The following UBE3D variants were observed in gnomAD, a reference collection of about 807,000 sequenced individuals.
UBE3D encodes ubiquitin protein ligase E3D.
UBE3D carries 48 observed loss-of-function variants against 49.6 expected under a neutral mutation model. The observed-to-expected ratio is 0.97, with a 90% CI of 0.77 to 1.23. The LOEUF (loss-of-function observed/expected upper bound fraction) is 1.23. Among genes scored for constraint, UBE3D ranks in the 50% most tolerant of loss-of-function variants. The pLI, the probability that UBE3D is intolerant of heterozygous loss-of-function variation, is 0.00. For missense variants in UBE3D, 452 were observed against 468.4 expected, an observed-to-expected ratio of 0.96 and a Z score of 0.32; for synonymous variants, 189 against 174.2, an observed-to-expected ratio of 1.08 and a Z score of -0.67.
intron 9 of UBE3D, among the ~76,000 whole-genome samples, chr6:82,936,327 A>G (rs1774572683): frequency 6.6e-6 from 1 of 152,212 alleles, no homozygotes; most frequent in Non-Finnish European, 1.5e-5. Flanking sequence ...AAACATTAGC[A>G]TATTTTGGGG....
intron 9 of UBE3D, among the ~76,000 whole-genome samples, chr6:82,898,137 A>T (rs1771465462): frequency 6.6e-6 from 1 of 152,194 alleles, no homozygotes; most frequent in East Asian, 1.9e-4. Flanking sequence ...AGATACCATC[A>T]AATGCCAGTT....
intron 9 of UBE3D, among the ~76,000 whole-genome samples, chr6:82,920,832 A>AAAACAAAC (rs10623474): frequency 2.6e-5 from 4 of 151,376 alleles, no homozygotes; most frequent in East Asian, 1.9e-4. Context: ...CTCTTCTAGG[A>AAAACAAAC]AAACAAACAA....
At chr6:82,926,826 T>G (rs1773786696) in intron 9 of UBE3D, among the ~76,000 whole-genome samples, 2 of 152,106 alleles carry the variant, frequency 1.3e-5, no homozygotes, top group African/African-American at 4.8e-5. Context: ...TTCTCTATAG[T>G]GTCTTTTGCA....
At chr6:82,953,752 G>A (rs139375252) in intron 9 of UBE3D, among the ~76,000 whole-genome samples, 1,734 of 152,298 alleles carry the variant, frequency 0.011, 11 homozygotes, top group Middle Eastern at 0.034. Context: ...ACATATTTTA[G>A]TAGAGGAAAA....
chr6:82,946,146 C>T (rs185853099), intron 9 of UBE3D, among the ~76,000 whole-genome samples: 21 of 152,194 alleles, frequency 1.4e-4, no homozygotes, highest in African/African-American at 5.1e-4. Flanking sequence ...TATCAATATC[C>T]AAGTACCAGA....
At chr6:82,918,463 C>T (rs1366185039) in intron 9 of UBE3D, among the ~76,000 whole-genome samples, 2 of 152,138 alleles carry the variant, frequency 1.3e-5, no homozygotes, top group Non-Finnish European at 2.9e-5. Flanking sequence ...TTAAGGAACA[C>T]ATCTGAGTTT....
At chr6:83,001,632 G>A (rs184562955) in intron 8 of UBE3D, among the ~76,000 whole-genome samples, 17 of 150,200 alleles carry the variant, frequency 1.1e-4, no homozygotes, top group East Asian at 3.9e-4. Flanking sequence ...ACAGGAAAGC[G>A]GAAGGACTAC....
intron 8 of UBE3D, among the ~76,000 whole-genome samples, chr6:82,962,880 C>T (rs920699907): frequency 6.6e-6 from 1 of 152,274 alleles, no homozygotes; most frequent in African/African-American, 2.4e-5. Flanking sequence ...AACCCTTCAT[C>T]TTAAAATAAT....
intron 1 of UBE3D, among the ~76,000 whole-genome samples, chr6:83,061,848 C>A (rs1016221645): frequency 6.6e-6 from 1 of 152,126 alleles, no homozygotes; most frequent in African/African-American, 2.4e-5. Context: ...GCCATAAGAT[C>A]TTTTACTATG....
At chr6:82,916,734 A>T (rs539312456) in intron 9 of UBE3D, among the ~76,000 whole-genome samples, 1 of 152,344 alleles carries the variant, frequency 6.6e-6, no homozygotes, top group South Asian at 2.1e-4. Flanking sequence ...ACAAATACAA[A>T]TGGGATCTAT....
At chr6:82,913,695 G>A (rs1464465561) in intron 9 of UBE3D, among the ~76,000 whole-genome samples, 1 of 152,132 alleles carries the variant, frequency 6.6e-6, no homozygotes, top group Non-Finnish European at 1.5e-5. Context: ...TGGGGATGGA[G>A]GTGATGGAAA....
At chr6:82,908,330 T>C (rs1390701765) in intron 9 of UBE3D, among the ~76,000 whole-genome samples, 1 of 152,086 alleles carries the variant, frequency 6.6e-6, no homozygotes, top group Non-Finnish European at 1.5e-5. Flanking sequence ...TTTTTGGTTG[T>C]CATAACTAGG....
chr6:82,946,623 T>C (rs1775421607), intron 9 of UBE3D, among the ~76,000 whole-genome samples: 1 of 152,080 alleles, frequency 6.6e-6, no homozygotes, highest in South Asian at 2.1e-4. Flanking sequence ...ATTATAACAC[T>C]GTAACTGTGG....
At chr6:83,060,346 T>C (rs1223420642) in intron 1 of UBE3D, among the ~76,000 whole-genome samples, 1 of 152,064 alleles carries the variant, frequency 6.6e-6, no homozygotes, top group Non-Finnish European at 1.5e-5. Flanking sequence ...AGAATGGAGT[T>C]ACAAAAAGAG....
intron 9 of UBE3D, chr6:82,925,113 C>T (rs1053452590): frequency 1.3e-5 from 2 of 152,432 alleles, no homozygotes; most frequent in African/African-American, 4.8e-5. Flanking sequence ...ATGCTAGCCT[C>T]AAATAGTTTT....
chr6:83,065,712 C>T lies in UBE3D; in HGVS notation c.7G>A (p.Ala3Thr), dbSNP rs980918699. The change falls in exon 1 of 10, where the codon GCT becomes ACT. Residue 3 changes from alanine (A) to threonine (T), a missense_variant. Transcript: ENST00000369747. ...AACACGCGCGTCTCCGCCGCAGAAGCCGCCATGGCAGGCTTCCAGTCCCAG... is the reference window on the plus strand; with the variant it reads ...AACACGCGCGTCTCCGCCGCAGAAGTCGCCATGGCAGGCTTCCAGTCCCAG... MA[A>T]SAAETRVFLE... 3 of 1,611,386 alleles carry T rather than the reference C, an allele frequency of 1.9e-6. No individual in the cohort carries two copies. The East Asian group carries it at 6.7e-5, about 36-fold the overall frequency.
chr6:82,953,802 T>C (rs1006453753), intron 9 of UBE3D, among the ~76,000 whole-genome samples: 1 of 152,136 alleles, frequency 6.6e-6, no homozygotes, highest in Admixed American at 6.5e-5. Flanking sequence ...TAGTGGAAAG[T>C]GCTATGAAGA....
chr6:82,943,262 T>C (rs1775149789), intron 9 of UBE3D, among the ~76,000 whole-genome samples: 1 of 152,190 alleles, frequency 6.6e-6, no homozygotes, highest in Non-Finnish European at 1.5e-5. Context: ...CTTGCTTTTT[T>C]TTAGAATACC....
At chr6:82,998,045 A>C in intron 8 of UBE3D, among the ~76,000 whole-genome samples, 1 of 152,208 alleles carries the variant, frequency 6.6e-6, no homozygotes, top group Non-Finnish European at 1.5e-5. Flanking sequence ...GATATTGTGC[A>C]GTGAGGCAGA....
Sources: allele counts gnomAD v4.1 joint callset (sites outside exome capture counted in the v4.1 genomes callset), GRCh38; gene constraint gnomAD v4.1.1; transcripts MANE v1.5; gene names NCBI Gene and HGNC (gene_info 2026-07-23, HGNC 2026-07-21).